Variants in PABPC4L observed in about 807,000 individuals in gnomAD.
PABPC4L encodes the protein polyadenylate-binding protein 4-like.
For synonymous variants in PABPC4L, 169 were observed against 164.1 expected (o/e 1.03, Z -0.23); for missense variants, 452 against 451.4 (o/e 1.00, Z -0.01).
At chr4:133,953,029 G>C in the PABPC4L span, among the ~76,000 whole-genome samples, 1 of 151,970 alleles carries the variant, frequency 6.6e-6, no homozygotes, top group Non-Finnish European at 1.5e-5. Context: ...TCCCCTTCTG[G>C]TTCCACCCTC....
the PABPC4L span, among the ~76,000 whole-genome samples, chr4:134,176,222 A>G: frequency 1.3e-5 from 2 of 152,104 alleles, no homozygotes; most frequent in East Asian, 3.9e-4. Context: ...TATTCATGAT[A>G]TAATTAATAG....
the PABPC4L span, among the ~76,000 whole-genome samples, chr4:133,973,463 G>A: frequency 1.3e-5 from 2 of 151,924 alleles, no homozygotes; most frequent in Admixed American, 6.6e-5. Context: ...AATAAAAATA[G>A]CTGAATCTAG....
At chr4:134,133,195 A>G in the PABPC4L span, among the ~76,000 whole-genome samples, 1 of 133,914 alleles carries the variant, frequency 7.5e-6, no homozygotes, top group Non-Finnish European at 1.5e-5. Flanking sequence ...AAGTGTAATT[A>G]TATATGTATA....
At chr4:134,008,735 C>T in the PABPC4L span, among the ~76,000 whole-genome samples, 1 of 151,596 alleles carries the variant, frequency 6.6e-6, no homozygotes, top group Non-Finnish European at 1.5e-5. Flanking sequence ...GTGTTGTTTT[C>T]TTTTTTTCTT....
the PABPC4L span, among the ~76,000 whole-genome samples, chr4:134,103,431 C>T: frequency 6.6e-6 from 1 of 151,564 alleles, no homozygotes; most frequent in Non-Finnish European, 1.5e-5. Flanking sequence ...TCTTCTGAGG[C>T]CTCTCATCTC....
chr4:134,104,369 T>A, the PABPC4L span, among the ~76,000 whole-genome samples: 5 of 151,750 alleles, frequency 3.3e-5, no homozygotes, highest in Non-Finnish European at 7.4e-5. Context: ...TGTTCTTTCT[T>A]GAGCAGCAAA....
the PABPC4L span, among the ~76,000 whole-genome samples, chr4:133,970,682 T>G: frequency 2.0e-5 from 3 of 152,206 alleles, no homozygotes; most frequent in Admixed American, 6.5e-5. Flanking sequence ...GTTGAAATTC[T>G]AACCCTCAAG....
chr4:134,131,107 A>G, the PABPC4L span, among the ~76,000 whole-genome samples: 1 of 152,112 alleles, frequency 6.6e-6, no homozygotes, highest in Non-Finnish European at 1.5e-5. Context: ...GAAAAGTTGA[A>G]AGCATCCCCC....
At chr4:133,972,695 T>C in the PABPC4L span, among the ~76,000 whole-genome samples, 3 of 152,152 alleles carry the variant, frequency 2.0e-5, no homozygotes, top group African/African-American at 7.2e-5. Context: ...ACTCATATAG[T>C]TGAGCATGCT....
chr4:134,074,304 A>T, the PABPC4L span, among the ~76,000 whole-genome samples: 1 of 152,112 alleles, frequency 6.6e-6, no homozygotes, highest in Non-Finnish European at 1.5e-5. Flanking sequence ...TCTTTACTCT[A>T]GTGCCTAACA....
At chr4:134,033,898 GA>G in the PABPC4L span, among the ~76,000 whole-genome samples, 42 of 152,122 alleles carry the variant, frequency 2.8e-4, no homozygotes, top group African/African-American at 4.1e-4. Flanking sequence ...AAGTTATCCA[GA>G]AGATCTAGCT....
At chr4:134,160,232 A>G in the PABPC4L span, among the ~76,000 whole-genome samples, 1 of 152,128 alleles carries the variant, frequency 6.6e-6, no homozygotes, top group Non-Finnish European at 1.5e-5. Flanking sequence ...GAAGATGCTC[A>G]TATTACCCCT....
the PABPC4L span, among the ~76,000 whole-genome samples, chr4:134,043,364 C>T: frequency 0.13 from 19,057 of 152,034 alleles, 1,537 homozygotes; most frequent in East Asian, 0.43. Context: ...ATAACTGGAA[C>T]GATAGATGCA....
the PABPC4L span, among the ~76,000 whole-genome samples, chr4:134,154,045 T>G: frequency 6.6e-6 from 1 of 151,918 alleles, no homozygotes; most frequent in East Asian, 1.9e-4. Context: ...AGGAGCTAAA[T>G]TGGGATCAAG....
chr4:133,968,828 T>C, the PABPC4L span, among the ~76,000 whole-genome samples: 2 of 152,222 alleles, frequency 1.3e-5, no homozygotes, highest in Non-Finnish European at 2.9e-5. Context: ...TACATTTATC[T>C]CAAGCCATAC....
chr4:134,171,565 T>C, the PABPC4L span, among the ~76,000 whole-genome samples: 2 of 152,208 alleles, frequency 1.3e-5, no homozygotes, highest in Non-Finnish European at 2.9e-5. Flanking sequence ...GCCAACATCA[T>C]ACTAAATGGG....
chr4:134,159,965 A>G, the PABPC4L span, among the ~76,000 whole-genome samples: 2 of 152,214 alleles, frequency 1.3e-5, no homozygotes, highest in African/African-American at 4.8e-5. Flanking sequence ...AAGCAGATTT[A>G]TAAAGCACCA....
At chr4:134,115,240 G>A in the PABPC4L span, among the ~76,000 whole-genome samples, 1 of 151,786 alleles carries the variant, frequency 6.6e-6, no homozygotes, top group South Asian at 2.1e-4. Flanking sequence ...CAATAGGCGA[G>A]GCACTGTCTA....
the PABPC4L span, among the ~76,000 whole-genome samples, chr4:134,172,263 A>G: frequency 1.3e-5 from 2 of 152,142 alleles, no homozygotes; most frequent in Non-Finnish European, 2.9e-5. Context: ...CCAATTTCAA[A>G]CTATACTACA....
Sources: gnomAD v4.1 joint callset for allele counts (sites outside exome capture counted in the v4.1 genomes callset) on GRCh38, gnomAD v4.1.1 for gene constraint, MANE v1.5 for transcripts, NCBI Gene and HGNC (gene_info 2026-07-23, HGNC 2026-07-21) for gene names.